Variants in ARID5B observed in about 807,000 individuals in gnomAD.
The protein encoded by ARID5B is AT-rich interaction domain 5B, also known as AT-rich interactive domain-containing protein 5B.
Under a neutral mutation model 97.2 loss-of-function variants are expected in ARID5B, and 13 were observed. The ratio of observed to expected loss-of-function variants is 0.13; its 90% CI spans 0.09 to 0.21. The LOEUF is 0.21. Among genes scored for constraint, ARID5B ranks in the 10% least tolerant of loss-of-function variants. The probability of loss-of-function intolerance (pLI) is 1.00; values close to 1 mark genes in which losing one functional copy is unlikely to be tolerated. For synonymous variants in ARID5B, 556 were observed against 570.3 expected, an observed-to-expected ratio of 0.97 and a Z score of 0.36; for missense variants, 1,210 against 1,465.3, an observed-to-expected ratio of 0.83 and a Z score of 2.84.
At chr10:62,027,667 T>A (rs1839440209) in intron 4 of ARID5B, among the ~76,000 whole-genome samples, 1 of 152,020 alleles carries the variant, frequency 6.6e-6, no homozygotes, top group African/African-American at 2.4e-5. Context: ...AGCCGGGCAG[T>A]ATGCACCTTT....
Position 62,092,331 on chromosome 10 carries a change from G to T in ARID5B, c.2868G>T (p.Arg956=). The T allele has an allele frequency of 6.2e-7, 1 of 1,613,430 alleles. No homozygotes were observed. The highest frequency in any genetic ancestry group is 1.1e-5 in the South Asian group (1 of 90,940). ...GAGACTGTCACCCCAAAGCCTGTCG[G>T]GTATCACCCATGACCATGTCAGGCC... ...QSRDCHPKAC[R]VSPMTMSGPK... Residue 956 remains arginine (R), a synonymous_variant, in exon 10 of 10, where the codon CGG becomes CGT. Transcript: ENST00000279873.
At chr10:61,924,313 G>A (rs1844066135) in intron 2 of ARID5B, among the ~76,000 whole-genome samples, 2 of 152,218 alleles carry the variant, frequency 1.3e-5, no homozygotes, top group African/African-American at 4.8e-5. Context: ...AGCACCAACT[G>A]TGGTTGCAAA....
intron 3 of ARID5B, among the ~76,000 whole-genome samples, chr10:61,941,015 A>T (rs1351650282): frequency 1.1e-5 from 1 of 94,152 alleles, no homozygotes; most frequent in Non-Finnish European, 2.0e-5. Context: ...TCCCTCTTCC[A>T]CTGTAAGTTT....
intron 5 of ARID5B, among the ~76,000 whole-genome samples, chr10:62,056,319 A>C (rs1469358611): frequency 6.6e-6 from 1 of 152,078 alleles, no homozygotes; most frequent in East Asian, 1.9e-4. Context: ...CTTTTGTGGC[A>C]AGTTAACATC....
intron 3 of ARID5B, among the ~76,000 whole-genome samples, chr10:61,993,389 C>T (rs1190014090): frequency 6.6e-6 from 1 of 152,188 alleles, no homozygotes; most frequent in Admixed American, 6.5e-5. Context: ...TAGTCATATG[C>T]TCTGCTGCAT....
intron 2 of ARID5B, among the ~76,000 whole-genome samples, chr10:61,919,161 G>A (rs1184358663): frequency 1.3e-5 from 2 of 150,712 alleles, no homozygotes; most frequent in African/African-American, 2.4e-5. Context: ...CCAGATGTTT[G>A]ATCTAAGTGC....
chr10:62,093,172 G>A lies in ARID5B; in HGVS notation c.*142G>A. ...AGTCCCAGCTGTAGGGGCCCAGAGG[G>A]GAGGTGAACATGCCTGATTTTTGTG... On this transcript the variant is annotated 3_prime_UTR_variant, in exon 10 of 10. Transcript: ENST00000279873. 1 of 1,293,808 alleles carries A rather than the reference G, an allele frequency of 7.7e-7. No homozygotes were observed. The highest frequency in any genetic ancestry group is 1.0e-6 in the Non-Finnish European group (1 of 964,486). The allele number at this position is 1,293,808 out of a possible 1,614,324, so 80.1% of individuals were successfully genotyped here. A position where few individuals can be genotyped will look rare whatever the true frequency, so the allele number is the denominator to read the frequency against.
At chr10:61,917,654 G>T (rs1250809045) in intron 2 of ARID5B, among the ~76,000 whole-genome samples, 1 of 152,182 alleles carries the variant, frequency 6.6e-6, no homozygotes, top group Non-Finnish European at 1.5e-5. Flanking sequence ...CATCTCTAGA[G>T]CAAAGCTTTG....
At chr10:61,944,415 G>T (rs1038314213) in intron 3 of ARID5B, among the ~76,000 whole-genome samples, 1 of 151,964 alleles carries the variant, frequency 6.6e-6, no homozygotes, top group Admixed American at 6.6e-5. Flanking sequence ...GTCAAATGAA[G>T]AATTATTTCA....
intron 8 of ARID5B, among the ~76,000 whole-genome samples, chr10:62,072,507 C>T (rs1199850330): frequency 6.6e-6 from 1 of 152,184 alleles, no homozygotes; most frequent in Non-Finnish European, 1.5e-5. Flanking sequence ...AGTTGAAAGA[C>T]AATAGGCCAT....
rs555016733 is a variant in ARID5B at position 61,944,183 on chromosome 10, TA to T, written c.502+3785del. On this transcript the variant is annotated intron_variant, in intron 3 of 9. Transcript: ENST00000279873. ...TCAGACTGTTTCATACTGAAGTTTA[TA>T]AAAAAAAAAGAAAAATAACTATGTT... Among the ~76,000 whole-genome samples the T allele has an allele frequency of 1.0e-2, 1,471 of 147,282 alleles. 23 individuals are homozygous for T. The highest frequency in any genetic ancestry group is 0.034 in the African/African-American group (1,382 of 40,336).
rs1458772727 is a variant in ARID5B at position 62,085,807 on chromosome 10, A to G, written c.1305A>G (p.Lys435=). The G allele has an allele frequency of 1.9e-6, 3 of 1,614,184 alleles. No homozygotes were observed. The Admixed American group carries it at 5.0e-5, about 27-fold the overall frequency. ...QENSSQENEN[K]TKVSGTKRIK... ...ACAGTTCACAGGAAAATGAGAACAA[A>G]ACAAAAGTATCTGGAACCAAACGCA... The change falls in exon 9 of 10, where the codon AAA becomes AAG. Residue 435 remains lysine (K), a synonymous_variant. Coordinates refer to ENST00000279873, the MANE Select transcript of ARID5B (RefSeq NM_032199.3).
chr10:61,993,115 G>A (rs1022707311), intron 3 of ARID5B, among the ~76,000 whole-genome samples: 26 of 91,726 alleles, frequency 2.8e-4, no homozygotes, highest in African/African-American at 9.3e-4. Context: ...GATGAGGAAG[G>A]GAGATACACA....
chr10:61,934,692 T>A (rs10994971), intron 2 of ARID5B, among the ~76,000 whole-genome samples: 5,623 of 152,166 alleles, frequency 0.037, 400 homozygotes, highest in East Asian at 0.34. Flanking sequence ...GTTTGTGGCA[T>A]CTCCAAACAA....
At chr10:61,924,146 C>G (rs1301725853) in intron 2 of ARID5B, among the ~76,000 whole-genome samples, 1 of 152,214 alleles carries the variant, frequency 6.6e-6, no homozygotes, top group Non-Finnish European at 1.5e-5. Context: ...TCAGCCCCAC[C>G]TTTAGAAAGC....
chr10:61,957,225 G>A (rs1368023035), intron 3 of ARID5B, among the ~76,000 whole-genome samples: 3 of 152,164 alleles, frequency 2.0e-5, no homozygotes, highest in Non-Finnish European at 4.4e-5. Flanking sequence ...AAAAACTGAA[G>A]CAGTATAAAT....
intron 4 of ARID5B, among the ~76,000 whole-genome samples, chr10:62,040,179 G>T (rs1352329903): frequency 6.6e-6 from 1 of 151,850 alleles, no homozygotes; most frequent in Non-Finnish European, 1.5e-5. Flanking sequence ...CCAGTCTGTT[G>T]TCAAAGCTTA....
intron 3 of ARID5B, among the ~76,000 whole-genome samples, chr10:61,969,818 T>C (rs1191833286): frequency 3.3e-5 from 5 of 152,212 alleles, no homozygotes; most frequent in African/African-American, 4.8e-5. Flanking sequence ...AAATAGCCTT[T>C]TGATTCTTTT....
chr10:62,092,410 C>G lies in ARID5B; in HGVS notation c.2947C>G (p.Leu983Val). ...ATCAGGAAAACCTCACCATGTGAGA[C>G]TGGAGAATTTCAGGAAGATGGAAGG... ...SRSGKPHHVR[L>V]ENFRKMEGMV... Residue 983 changes from leucine to valine, a missense_variant, in exon 10 of 10, where the codon CTG becomes GTG. By Grantham distance (32) the Leu-to-Val change is conservative. Around this residue, in one of 8 missense-constraint regions of ARID5B, gnomAD observed 800 missense variants for 839.1 expected, o/e 0.95. Coordinates refer to ENST00000279873, the MANE Select transcript of ARID5B (RefSeq NM_032199.3). 1 of 1,614,212 alleles carries G rather than the reference C, an allele frequency of 6.2e-7. No individual in the cohort carries two copies. The highest frequency in any genetic ancestry group is 1.1e-5 in the South Asian group (1 of 91,080).
Sources: allele counts gnomAD v4.1 joint callset (sites outside exome capture counted in the v4.1 genomes callset), GRCh38; gene constraint gnomAD v4.1.1; regional missense constraint gnomAD v4.1.1; transcripts MANE v1.5; gene names NCBI Gene and HGNC (gene_info 2026-07-23, HGNC 2026-07-21).